The following DLGAP1 variants were observed in gnomAD, a reference collection of about 807,000 sequenced individuals.
DLGAP1 encodes DLG associated protein 1.
Under a neutral mutation model 90.8 loss-of-function variants are expected in DLGAP1, and 11 were observed. The observed-to-expected ratio is 0.12, with a 90% CI of 0.08 to 0.20. The LOEUF is 0.20. DLGAP1 is among the 10% of genes least tolerant of loss of function. The pLI is 1.00. For synonymous variants in DLGAP1, 558 were observed against 540.7 expected, an observed-to-expected ratio of 1.03 and a Z score of -0.44; for missense variants, 1,050 against 1,333.8, an observed-to-expected ratio of 0.79 and a Z score of 3.31.
intron 2 of DLGAP1, among the ~76,000 whole-genome samples, chr18:4,043,710 C>G (rs1176828040): frequency 1.3e-5 from 2 of 152,168 alleles, no homozygotes; most frequent in Non-Finnish European, 2.9e-5. Context: ...AGAATATCCA[C>G]AGAAGTGATC....
In DLGAP1 at chr18:3,940,735, G is replaced by C. The variant is rs547145172; in HGVS notation, c.-72-60595C>G. ...GACAAATGAGTCCTAGGATTCCACA[G>C]TGGTTTTCATTAATGCTTCCTTTTC... On this transcript the variant is annotated intron_variant, in intron 3 of 12. Transcript: ENST00000315677. Among the ~76,000 whole-genome samples the C allele has an allele frequency of 4.6e-5, 7 of 152,346 alleles. 1 individual carries two copies. In the South Asian group the frequency reaches 1.4e-3, roughly 32 times the overall value.
In DLGAP1 at chr18:4,302,174, T is replaced by G. The variant is rs191968271; in HGVS notation, c.-266-150887A>C. On this transcript the variant is annotated intron_variant, in intron 1 of 12. Coordinates refer to ENST00000315677, the MANE Select transcript of DLGAP1 (RefSeq NM_004746.4). ...TCCCATTTCTCTACTTTTTTGCTTT[T>G]GTTGCCTGCATTTTTGGAGTCAGAT... is the stretch of plus-strand genomic sequence containing the variant. 2.6e-5 allele frequency among the ~76,000 whole-genome samples: 4 copies of G among 152,334 alleles called. No individual in the cohort carries two copies. In the East Asian group the frequency reaches 7.7e-4, roughly 29 times the overall value.
chr18:3,747,620 G>A (rs530848100), intron 5 of DLGAP1, among the ~76,000 whole-genome samples: 1 of 152,302 alleles, frequency 6.6e-6, no homozygotes, highest in Admixed American at 6.5e-5. Context: ...ATTCAAAGAA[G>A]AAGTGAAAGT....
chr18:3,828,458 A>G (rs939762939), intron 4 of DLGAP1, among the ~76,000 whole-genome samples: 3 of 152,038 alleles, frequency 2.0e-5, no homozygotes, highest in African/African-American at 4.8e-5. Flanking sequence ...TGGGCAACAG[A>G]GCAAGACCTC....
chr18:3,522,245 T>C (rs974870889), intron 10 of DLGAP1, among the ~76,000 whole-genome samples: 2 of 150,650 alleles, frequency 1.3e-5, no homozygotes, highest in Non-Finnish European at 3.0e-5. Flanking sequence ...CAAGTGATTC[T>C]CCTGCCTCAG....
At chr18:3,734,832 G>A (rs1239977903) in intron 6 of DLGAP1, among the ~76,000 whole-genome samples, 1 of 151,934 alleles carries the variant, frequency 6.6e-6, no homozygotes, top group African/African-American at 2.4e-5. Flanking sequence ...TTGTTAATGT[G>A]TGTCAATATT....
In DLGAP1 at chr18:4,082,687, G is replaced by A. The variant is rs550536961; in HGVS notation, c.-159+68493C>T. ...CAGTAACCCTTAGGATGAAGGGGAA[G>A]TTTTCCTTTGGCCCCTACACTCCAT... On this transcript the variant is annotated intron_variant, in intron 2 of 12. Transcript: ENST00000315677. Among the ~76,000 whole-genome samples, 3 of 151,780 alleles carry A rather than the reference G, an allele frequency of 2.0e-5. No homozygotes were observed. In the East Asian group the frequency reaches 5.8e-4, roughly 30 times the overall value.
chr18:3,684,575 A>G (rs973555959), intron 7 of DLGAP1, among the ~76,000 whole-genome samples: 1 of 152,164 alleles, frequency 6.6e-6, no homozygotes, highest in African/African-American at 2.4e-5. Flanking sequence ...CATTCACAAC[A>G]GGAAAAGCAA....
At chr18:4,070,927 A>G (rs9789149) in intron 2 of DLGAP1, among the ~76,000 whole-genome samples, 124,355 of 152,100 alleles carry the variant, frequency 0.82, 51,064 homozygotes, top group East Asian at 0.94. Context: ...AAGAATCATC[A>G]GAAACTGGCC....
At chr18:4,192,883 G>A (rs2077427326) in intron 1 of DLGAP1, among the ~76,000 whole-genome samples, 1 of 152,334 alleles carries the variant, frequency 6.6e-6, no homozygotes, top group East Asian at 1.9e-4. Context: ...CACGTTGGAA[G>A]AGAGGCAAAG....
Position 4,163,120 on chromosome 18 carries a change from T to C in DLGAP1, c.-266-11833A>G, listed in dbSNP as rs79194663. On this transcript the variant is annotated intron_variant, in intron 1 of 12. Transcript: ENST00000315677. Reference sequence around the variant, plus strand: ...AATAGAAAGACATCTAAACCCAAGATATAGTTTAATGTTACAAATTCATAA... The same window carrying C: ...AATAGAAAGACATCTAAACCCAAGACATAGTTTAATGTTACAAATTCATAA... Among the ~76,000 whole-genome samples the C allele has an allele frequency of 8.8e-3, 1,333 of 152,256 alleles. 26 individuals carry two copies. Among genetic ancestry groups the C allele is most frequent in the African/African-American group, 0.028 (1,184 of 41,556 alleles).
intron 2 of DLGAP1, among the ~76,000 whole-genome samples, chr18:4,055,580 G>C (rs2075202282): frequency 6.6e-6 from 1 of 152,082 alleles, no homozygotes; most frequent in Admixed American, 6.5e-5. Context: ...TTTGCTTATG[G>C]AAATGGCCTC....
At chr18:3,748,054 G>A (rs1438310227) in intron 5 of DLGAP1, among the ~76,000 whole-genome samples, 2 of 152,186 alleles carry the variant, frequency 1.3e-5, no homozygotes, top group South Asian at 2.1e-4. Flanking sequence ...CTCATGTTAC[G>A]TTAATTATTT....
chr18:3,817,220 G>A (rs1321390360), intron 4 of DLGAP1, among the ~76,000 whole-genome samples: 1 of 152,174 alleles, frequency 6.6e-6, no homozygotes, highest in Non-Finnish European at 1.5e-5. Flanking sequence ...ATGACAAACT[G>A]ATTAGCTCAT....
At chr18:3,887,376 C>A (rs949922319) in intron 3 of DLGAP1, among the ~76,000 whole-genome samples, 1 of 152,172 alleles carries the variant, frequency 6.6e-6, no homozygotes, top group African/African-American at 2.4e-5. Context: ...GGAATTTAAA[C>A]AAGACAGTGG....
At chr18:3,635,381 C>T (rs2058678877) in intron 7 of DLGAP1, among the ~76,000 whole-genome samples, 1 of 149,202 alleles carries the variant, frequency 6.7e-6, no homozygotes, top group African/African-American at 2.5e-5. Flanking sequence ...TGTGATCCTC[C>T]CACCTCCTCG....
At chr18:4,252,833 C>A (rs987448312) in intron 1 of DLGAP1, among the ~76,000 whole-genome samples, 1 of 152,238 alleles carries the variant, frequency 6.6e-6, no homozygotes, top group Non-Finnish European at 1.5e-5. Flanking sequence ...CCAATTCACA[C>A]ATCACAATGG....
intron 10 of DLGAP1, among the ~76,000 whole-genome samples, chr18:3,527,085 C>T (rs968761636): frequency 1.3e-5 from 2 of 152,102 alleles, no homozygotes; most frequent in African/African-American, 4.8e-5. Flanking sequence ...TAACTCCAGG[C>T]ACCCAAAGAA....
At chr18:4,288,066 A>ATTTT (rs55993727) in intron 1 of DLGAP1, among the ~76,000 whole-genome samples, 142,687 of 151,452 alleles carry the variant, frequency 0.94, 67,655 homozygotes, top group East Asian at 1. Context: ...AGCTTGACAA[A>ATTTT]TTTTTTATTA....
Sources: allele counts gnomAD v4.1 joint callset (sites outside exome capture counted in the v4.1 genomes callset), GRCh38; gene constraint gnomAD v4.1.1; transcripts MANE v1.5; gene names NCBI Gene and HGNC (gene_info 2026-07-23, HGNC 2026-07-21).